Variants in MERTK observed in about 807,000 individuals in gnomAD.
The protein encoded by MERTK is tyrosine-protein kinase Mer.
In MERTK, 69 loss-of-function variants were observed where a neutral mutation model predicts 99.3. The observed-to-expected ratio is 0.70, with a 90% CI of 0.57 to 0.85. The LOEUF (loss-of-function observed/expected upper bound fraction) is 0.85. MERTK is among the 40% of genes least tolerant of loss of function. The pLI is 0.00. For synonymous variants in MERTK, 426 were observed against 467.6 expected (o/e 0.91, Z 1.15); for missense variants, 1,125 against 1,249.4 (o/e 0.90, Z 1.50).
At chr2:111,930,826 C>A (rs1012162210) in intron 2 of MERTK, among the ~76,000 whole-genome samples, 1 of 151,966 alleles carries the variant, frequency 6.6e-6, no homozygotes, top group Non-Finnish European at 1.5e-5. Flanking sequence ...TCTTGCCACC[C>A]CTTTTGTATT....
At chr2:112,022,658 G>C in intron 18 of MERTK, 3 of 703,708 alleles carry the variant, frequency 4.3e-6, no homozygotes, top group Non-Finnish European at 7.9e-6. Context: ...TCAAGACAAG[G>C]CAATGGCACC....
intron 18 of MERTK, chr2:112,022,645 C>T (rs753595891): frequency 2.3e-5 from 17 of 725,856 alleles, no homozygotes; most frequent in African/African-American, 5.1e-5. Flanking sequence ...ACGACAGGCA[C>T]GGTCAAGACA....
At chr2:112,010,197 G>C in intron 15 of MERTK, 131 bp downstream of exon 15, 1 of 755,060 alleles carries the variant, frequency 1.3e-6, no homozygotes, top group Non-Finnish European at 2.4e-6. Flanking sequence ...AGTGCTCCCT[G>C]TGTGTCCAGG....
chr2:111,925,654 G>C (rs1320259991), intron 1 of MERTK, among the ~76,000 whole-genome samples: 1 of 151,592 alleles, frequency 6.6e-6, no homozygotes, highest in Non-Finnish European at 1.5e-5. Flanking sequence ...GGTAGGTTTC[G>C]TGGCTCCCGG....
rs532800738 is a variant in MERTK at position 111,905,133 on chromosome 2, C to T, written c.61+6337C>T. The stretch of plus-strand genomic sequence containing the variant: ...TCCTGGCACTTCCTCCCTCCTAGGC[C>T]TTACTTTTCTCTGTCTGAACCATGG... On this transcript the variant is annotated intron_variant, in intron 1 of 18. Transcript: ENST00000295408. 4.5e-4 allele frequency among the ~76,000 whole-genome samples: 68 copies of T among 152,324 alleles called. 3 individuals are homozygous for T. Among genetic ancestry groups the T allele is most frequent in the Admixed American group, 4.1e-3 (62 of 15,306 alleles).
At chr2:111,901,911 T>TA (rs907602161) in intron 1 of MERTK, among the ~76,000 whole-genome samples, 11 of 151,716 alleles carry the variant, frequency 7.3e-5, no homozygotes, top group African/African-American at 2.7e-4. Context: ...TGAGATAGAG[T>TA]TTCACTCTTG....
chr2:111,929,598 A>ATTTATTTATTTATTTATTTATTTCTTTT (rs1684632862), intron 2 of MERTK, 58 bp downstream of exon 2: 1 of 1,273,212 alleles, frequency 7.9e-7, no homozygotes. Flanking sequence ...TTATTTATTT[A>ATTTATTTATTTATTTATTTATTTCTTTT]CTTATTGAGA....
At chr2:111,945,271 G>C (rs1158875723) in intron 3 of MERTK, among the ~76,000 whole-genome samples, 1 of 152,182 alleles carries the variant, frequency 6.6e-6, no homozygotes, top group Non-Finnish European at 1.5e-5. Flanking sequence ...TGAAGTTTGA[G>C]CTCTATTATA....
intron 8 of MERTK, among the ~76,000 whole-genome samples, chr2:111,988,263 A>T (rs1313922773): frequency 1.3e-5 from 2 of 152,138 alleles, no homozygotes; most frequent in East Asian, 3.8e-4. Flanking sequence ...AGAGCATTTG[A>T]ACTGGTGTTG....
In MERTK at chr2:111,975,368, A is replaced by G; in HGVS notation, c.1040A>G (p.Lys347Arg). The G allele has an allele frequency of 1.2e-6, 2 of 1,614,200 alleles. No homozygotes were observed. Among genetic ancestry groups the G allele is most frequent in the Non-Finnish European group, 1.7e-6 (2 of 1,180,028 alleles). Residue 347 changes from lysine to arginine, a missense_variant, in exon 7 of 19, where the codon AAG (lysine) becomes AGG (arginine). Physicochemically the swap from Lys to Arg is conservative, Grantham distance 26. Coordinates refer to ENST00000295408, the MANE Select transcript of MERTK (RefSeq NM_006343.3). ...GCCTTACCACATCTGTACCAAATCAAGCAGCTGCAAGCCCTGGCTAATTAC... is the reference window on the plus strand; with the variant it reads ...GCCTTACCACATCTGTACCAAATCAGGCAGCTGCAAGCCCTGGCTAATTAC... ...TSALPHLYQIKQLQALANYSI... is the reference protein window; with the variant it reads ...TSALPHLYQIRQLQALANYSI...
chr2:111,977,917 C>A (rs1051758058), intron 7 of MERTK, among the ~76,000 whole-genome samples: 8 of 152,050 alleles, frequency 5.3e-5, no homozygotes, highest in African/African-American at 1.9e-4. Flanking sequence ...AAGTTTTGGA[C>A]CATCCAGAAT....
At chr2:111,964,092 G>T (rs1256353115) in intron 4 of MERTK, among the ~76,000 whole-genome samples, 1 of 120,988 alleles carries the variant, frequency 8.3e-6, no homozygotes, top group African/African-American at 3.1e-5. Context: ...AGGAGTCACT[G>T]TATGCAGCCC....
chr2:111,944,303 CAAAAAA>C (rs776451722), intron 2 of MERTK, among the ~76,000 whole-genome samples: 1 of 68,082 alleles, frequency 1.5e-5, no homozygotes, highest in Non-Finnish European at 2.9e-5. Context: ...GAATCTGTCT[CAAAAAA>C]AAAAAAAAAA....
At chr2:111,905,876 G>A (rs906425319) in intron 1 of MERTK, among the ~76,000 whole-genome samples, 1 of 152,160 alleles carries the variant, frequency 6.6e-6, no homozygotes, top group Non-Finnish European at 1.5e-5. Flanking sequence ...CATGAGTCTT[G>A]GAGGTGGCAG....
intron 18 of MERTK, among the ~76,000 whole-genome samples, chr2:112,026,508 C>T (rs1027071878): frequency 2.0e-5 from 3 of 152,248 alleles, no homozygotes; most frequent in Admixed American, 1.3e-4. Context: ...TGACTTACGC[C>T]TGAAAACCTC....
chr2:112,016,318 T>C (rs552489465), intron 15 of MERTK, among the ~76,000 whole-genome samples: 1 of 152,328 alleles, frequency 6.6e-6, no homozygotes, highest in Non-Finnish European at 1.5e-5. Context: ...TTTTCAATGA[T>C]GGAAAATAAC....
chr2:112,008,926 T>C (rs1003065430), intron 14 of MERTK: 19 of 256,960 alleles, frequency 7.4e-5, no homozygotes, highest in African/African-American at 3.4e-4. Flanking sequence ...TCATGATACA[T>C]TGATGATTTC....
intron 3 of MERTK, 106 bp downstream of exon 3, chr2:111,945,166 C>T (rs949247222): frequency 1.4e-5 from 12 of 854,010 alleles, no homozygotes; most frequent in East Asian, 2.8e-5. Flanking sequence ...CTATTTATAA[C>T]TCTGTATGCA....
chr2:111,942,866 A>T (rs1012548185), intron 2 of MERTK, among the ~76,000 whole-genome samples: 1 of 152,216 alleles, frequency 6.6e-6, no homozygotes, highest in African/African-American at 2.4e-5. Flanking sequence ...CCGAGTTCTG[A>T]CTGATGCCAT....
Sources: allele counts gnomAD v4.1 joint callset (sites outside exome capture counted in the v4.1 genomes callset), GRCh38; gene constraint gnomAD v4.1.1; transcripts MANE v1.5; gene names NCBI Gene and HGNC (gene_info 2026-07-23, HGNC 2026-07-21).